Variants in DOCK1 observed in about 807,000 individuals in gnomAD.
DOCK1 encodes dedicator of cytokinesis 1.
DOCK1 carries 138 observed loss-of-function variants against 262.7 expected under a neutral mutation model. The observed-to-expected ratio is 0.53, with a 90% confidence interval of 0.46 to 0.61. The LOEUF (loss-of-function observed/expected upper bound fraction) is 0.61. DOCK1 is among the 20% of genes least tolerant of loss of function. The pLI is 0.00. For synonymous variants in DOCK1, 866 were observed against 867.4 expected, an observed-to-expected ratio of 1.00 and a Z score of 0.03; for missense variants, 1,908 against 2,370.7, an observed-to-expected ratio of 0.80 and a Z score of 4.05.
At chr10:127,205,650 A>G (rs1188492344) in intron 27 of DOCK1, among the ~76,000 whole-genome samples, 1 of 152,228 alleles carries the variant, frequency 6.6e-6, no homozygotes, top group Non-Finnish European at 1.5e-5. Flanking sequence ...TTCTTCGATG[A>G]CAATACATAT....
chr10:127,037,943 T>C, intron 19 of DOCK1, 127 bp downstream of exon 19: 1 of 802,020 alleles, frequency 1.2e-6, no homozygotes, highest in Non-Finnish European at 1.9e-6. Context: ...TAAAAAATAG[T>C]GACATAGGGA....
chr10:127,096,054 A>C (rs1267607512), intron 23 of DOCK1, among the ~76,000 whole-genome samples: 1 of 152,194 alleles, frequency 6.6e-6, no homozygotes, highest in Non-Finnish European at 1.5e-5. Flanking sequence ...TACAAAGAGA[A>C]TTGATTACAA....
chr10:127,082,511 A>G (rs1180492905), intron 23 of DOCK1, among the ~76,000 whole-genome samples: 1 of 152,180 alleles, frequency 6.6e-6, no homozygotes, highest in East Asian at 1.9e-4. Context: ...TAAAACCGTC[A>G]GATCACATGA....
At chr10:127,214,725 G>T (rs982201081) in intron 27 of DOCK1, among the ~76,000 whole-genome samples, 4 of 152,178 alleles carry the variant, frequency 2.6e-5, no homozygotes, top group African/African-American at 9.6e-5. Context: ...AGGCCAACAG[G>T]TCCTTAAGGC....
Position 127,384,911 on chromosome 10 carries a change from T to A in DOCK1, c.3927+2T>A, listed in dbSNP as rs1444691542. 6.3e-7 allele frequency: 1 copy of A among 1,590,578 alleles called. No individual in the cohort carries two copies. Among genetic ancestry groups the A allele is most frequent in the Non-Finnish European group, 8.5e-7 (1 of 1,171,698 alleles). On this transcript the variant is annotated splice_donor_variant, in intron 38 of 51. Coordinates refer to ENST00000623213, the MANE Select transcript of DOCK1 (RefSeq NM_001290223.2). LOFTEE classifies it high-confidence loss of function. The stretch of plus-strand genomic sequence containing the variant: ...ATCCACTACTTCGACAAAGGCAAGG[T>A]AAAACACAAAAAGCAATTGTCCTTG...
chr10:127,331,214 G>A (rs1196848911), intron 29 of DOCK1, among the ~76,000 whole-genome samples: 1 of 152,116 alleles, frequency 6.6e-6, no homozygotes, highest in African/African-American at 2.4e-5. Context: ...ATACTGAAGC[G>A]GGTCCAACCT....
At chr10:127,250,774 A>G (rs1321576208) in intron 28 of DOCK1, among the ~76,000 whole-genome samples, 2 of 119,356 alleles carry the variant, frequency 1.7e-5, no homozygotes, top group South Asian at 3.1e-4. Context: ...CTTGGGCGAC[A>G]CAGTGAGACT....
rs1321895341 is a variant in DOCK1, at chr10:126,957,611, TA to T, written c.47-13090del. The stretch of plus-strand genomic sequence containing the variant: ...AGTGATCCTGCCTCAGCCTCCCAAG[TA>T]GCTGGGACTGCAGGTGCCCACCATC... On this transcript the variant is annotated intron_variant, in intron 1 of 51. Transcript: ENST00000623213. 3.9e-3 allele frequency among the ~76,000 whole-genome samples: 595 copies of T among 152,228 alleles called. 4 individuals are homozygous for T. The highest frequency in any genetic ancestry group is 0.013 in the African/African-American group (547 of 41,544).
At chr10:127,170,578 C>T (rs528760923) in intron 27 of DOCK1, among the ~76,000 whole-genome samples, 140 of 152,304 alleles carry the variant, frequency 9.2e-4, no homozygotes, top group Non-Finnish European at 1.6e-3. Context: ...AGGCAAAGAG[C>T]GCTGTCGGGG....
chr10:126,948,716 C>T (rs1370081782), intron 1 of DOCK1, among the ~76,000 whole-genome samples: 2 of 152,102 alleles, frequency 1.3e-5, no homozygotes, highest in African/African-American at 2.4e-5. Flanking sequence ...GATGCGGGCG[C>T]CCAGCTGTGC....
chr10:127,318,719 GT>G (rs1359357829), intron 29 of DOCK1, among the ~76,000 whole-genome samples: 1 of 152,158 alleles, frequency 6.6e-6, no homozygotes, highest in African/African-American at 2.4e-5. Flanking sequence ...TGGGGATGTC[GT>G]GCTGAATAAG....
At chr10:127,376,270 G>A (rs1397337966) in intron 35 of DOCK1, among the ~76,000 whole-genome samples, 1 of 152,186 alleles carries the variant, frequency 6.6e-6, no homozygotes, top group Non-Finnish European at 1.5e-5. Context: ...CTAAAACACT[G>A]TAACAGTGTG....
At chr10:127,301,320 T>C (rs1215590941) in intron 29 of DOCK1, among the ~76,000 whole-genome samples, 1 of 152,218 alleles carries the variant, frequency 6.6e-6, no homozygotes. Context: ...ATAAGCACTT[T>C]TACAAGTCAG....
chr10:127,378,763 C>T (rs1351750958), intron 35 of DOCK1, among the ~76,000 whole-genome samples: 4 of 152,204 alleles, frequency 2.6e-5, no homozygotes, highest in Non-Finnish European at 5.9e-5. Context: ...AAATGAAGGG[C>T]TTATCCTCTG....
intron 27 of DOCK1, among the ~76,000 whole-genome samples, chr10:127,166,190 C>T (rs1245140067): frequency 6.6e-6 from 1 of 152,170 alleles, no homozygotes; most frequent in Admixed American, 6.5e-5. Flanking sequence ...CTCAGCCCCC[C>T]AAGTAGCTGG....
chr10:127,056,334 A>G (rs538381640), intron 22 of DOCK1, among the ~76,000 whole-genome samples: 145 of 152,186 alleles, frequency 9.5e-4, no homozygotes, highest in South Asian at 1.7e-3. Flanking sequence ...TCTCCCAAGT[A>G]ACTAGGACTA....
chr10:127,429,488 G>A (rs1165641865), intron 47 of DOCK1, among the ~76,000 whole-genome samples: 1 of 152,046 alleles, frequency 6.6e-6, no homozygotes, highest in Non-Finnish European at 1.5e-5. Context: ...GTATCACCCT[G>A]TTTGCAAAAA....
chr10:126,996,789 A>G lies in DOCK1; in HGVS notation c.515A>G (p.Asn172Ser). The G allele has an allele frequency of 6.2e-7, 1 of 1,612,706 alleles. No homozygotes were observed. Among genetic ancestry groups the G allele is most frequent in the Non-Finnish European group, 8.5e-7 (1 of 1,179,504 alleles). ...CTGGTGGTTAGAGATGAAGATGGGA[A>G]TATTTTGGATCCAGAATTAACTAGC... ...LDLVVRDEDGNILDPELTSTI... is the reference protein window; with the variant it reads ...LDLVVRDEDGSILDPELTSTI... The change falls in exon 7 of 52, where the codon AAT (asparagine) becomes AGT (serine). Residue 172 changes from asparagine to serine, a missense_variant. Physicochemically the swap from Asn to Ser is conservative, Grantham distance 46. This residue lies in a region of DOCK1 where 227 missense variants were observed against 254.1 expected (regional missense o/e 0.89). Transcript: ENST00000623213.
intron 29 of DOCK1, among the ~76,000 whole-genome samples, chr10:127,280,756 T>G (rs2135275010): frequency 6.6e-6 from 1 of 152,364 alleles, no homozygotes; most frequent in East Asian, 1.9e-4. Flanking sequence ...CATACTGTTG[T>G]CGACACCTGT....
Sources: gnomAD v4.1 joint callset for allele counts (sites outside exome capture counted in the v4.1 genomes callset) on GRCh38, gnomAD v4.1.1 for gene constraint, gnomAD v4.1.1 regional missense constraint, MANE v1.5 for transcripts, NCBI Gene and HGNC (gene_info 2026-07-23, HGNC 2026-07-21) for gene names.